The following CDH18 variants were observed in gnomAD, a reference collection of about 807,000 sequenced individuals.
The protein encoded by CDH18 is cadherin 18, also known as cadherin-18.
Under a neutral mutation model 67.9 loss-of-function variants are expected in CDH18, and 31 were observed. The observed-to-expected ratio is 0.46, with a 90% confidence interval of 0.34 to 0.62. The LOEUF is 0.62. CDH18 is among the 20% of genes least tolerant of loss of function. The pLI, the probability that CDH18 is intolerant of heterozygous loss-of-function variation, is 0.01. For synonymous variants in CDH18, 362 were observed against 347.2 expected (o/e 1.04, Z -0.48); for missense variants, 890 against 975.5 (o/e 0.91, Z 1.17).
chr5:20,331,262 C>A (rs1739147091), intron 1 of CDH18: 1 of 152,160 alleles, frequency 6.6e-6, no homozygotes, highest in African/African-American at 2.4e-5. Context: ...TTTTGCATAA[C>A]AATATGTAGT....
At position 20,469,679 on chromosome 5, in the gene CDH18, T is replaced by A. The variant is rs185026959; in HGVS notation, c.-580+105783A>T. Among the ~76,000 whole-genome samples, 776 of 152,166 alleles carry A rather than the reference T, an allele frequency of 5.1e-3. 6 individuals are homozygous for A. The highest frequency in any genetic ancestry group is 0.017 in the African/African-American group (702 of 41,508). On this transcript the variant is annotated intron_variant, in intron 1 of 14. Coordinates refer to the CDH18 transcript ENST00000507958. ...TCACTAAGCCTGGAAGTAGGCTGAG[T>A]TTTTTTGCTCCCTGGTCTTCATTGC...
At chr5:19,584,993 T>TC (rs1743932510) in intron 7 of CDH18, among the ~76,000 whole-genome samples, 1 of 86,570 alleles carries the variant, frequency 1.2e-5, no homozygotes, top group Admixed American at 1.3e-4. Flanking sequence ...AGACTCTATC[T>TC]CCAAAAAAAA....
chr5:19,836,241 T>C (rs570274083), intron 3 of CDH18, among the ~76,000 whole-genome samples: 10 of 152,234 alleles, frequency 6.6e-5, no homozygotes, highest in Non-Finnish European at 1.3e-4. Flanking sequence ...ATGGAAAGGA[T>C]ACAGAAAAAG....
chr5:19,954,974 T>A (rs1335565138), intron 2 of CDH18, among the ~76,000 whole-genome samples: 1 of 151,990 alleles, frequency 6.6e-6, no homozygotes, highest in Non-Finnish European at 1.5e-5. Flanking sequence ...ATTGTAATAA[T>A]CCCCCATGTG....
At chr5:19,560,059 A>G (rs1177154319) in intron 8 of CDH18, among the ~76,000 whole-genome samples, 4 of 152,150 alleles carry the variant, frequency 2.6e-5, no homozygotes, top group African/African-American at 9.6e-5. Context: ...AGATGGAGTC[A>G]ATCAATATTG....
chr5:20,216,498 T>A (rs1211383187), intron 2 of CDH18, among the ~76,000 whole-genome samples: 1 of 151,976 alleles, frequency 6.6e-6, no homozygotes, highest in East Asian at 1.9e-4. Flanking sequence ...AAGTCACTCT[T>A]TTAGAACTCA....
intron 1 of CDH18, among the ~76,000 whole-genome samples, chr5:20,307,620 C>T (rs960446558): frequency 7.9e-5 from 12 of 152,118 alleles, no homozygotes; most frequent in South Asian, 2.1e-4. Context: ...TGCCTACCAT[C>T]TGGAGGGTAA....
At chr5:20,287,740 T>C (rs888043958) in intron 1 of CDH18, among the ~76,000 whole-genome samples, 1 of 151,242 alleles carries the variant, frequency 6.6e-6, no homozygotes, top group Non-Finnish European at 1.5e-5. Context: ...TTGAATGATT[T>C]ATTTTTTAGC....
At chr5:20,247,122 T>C (rs140404976) in intron 2 of CDH18, among the ~76,000 whole-genome samples, 10 of 152,292 alleles carry the variant, frequency 6.6e-5, no homozygotes, top group Non-Finnish European at 1.2e-4. Context: ...AACATTTTGT[T>C]AATCCTATAA....
intron 1 of CDH18, among the ~76,000 whole-genome samples, chr5:20,270,155 GT>G (rs976724104): frequency 4.1e-5 from 6 of 147,398 alleles, no homozygotes; most frequent in South Asian, 2.1e-4. Flanking sequence ...AGATTTCTTT[GT>G]TTAAAAAAAA....
At chr5:20,385,445 C>A (rs1744236894) in intron 1 of CDH18, among the ~76,000 whole-genome samples, 1 of 152,096 alleles carries the variant, frequency 6.6e-6, no homozygotes, top group Non-Finnish European at 1.5e-5. Flanking sequence ...TCATAACAAG[C>A]AAAATGAGAA....
intron 3 of CDH18, among the ~76,000 whole-genome samples, chr5:19,837,301 T>C (rs1216063611): frequency 6.6e-6 from 1 of 152,022 alleles, no homozygotes; most frequent in Non-Finnish European, 1.5e-5. Flanking sequence ...GAGAAATATC[T>C]AATGTAGATG....
At chr5:20,116,276 G>A (rs558038141) in intron 2 of CDH18, among the ~76,000 whole-genome samples, 6 of 152,110 alleles carry the variant, frequency 3.9e-5, no homozygotes, top group South Asian at 2.1e-4. Context: ...TGGGAGGCCC[G>A]AGGCAGGTGG....
intron 2 of CDH18, among the ~76,000 whole-genome samples, chr5:20,211,538 C>T (rs1219833757): frequency 1.3e-5 from 2 of 152,108 alleles, no homozygotes; most frequent in Admixed American, 1.3e-4. Flanking sequence ...CCCTCTAAGA[C>T]GAAGCTTCTA....
At chr5:19,797,704 A>G (rs1777003742) in intron 3 of CDH18, among the ~76,000 whole-genome samples, 1 of 152,034 alleles carries the variant, frequency 6.6e-6, no homozygotes, top group Non-Finnish European at 1.5e-5. Flanking sequence ...ATAAATTAAG[A>G]TATTACATTT....
At chr5:20,170,190 C>T (rs966349373) in intron 2 of CDH18, among the ~76,000 whole-genome samples, 1 of 151,768 alleles carries the variant, frequency 6.6e-6, no homozygotes, top group Non-Finnish European at 1.5e-5. Context: ...ACCCCACCCC[C>T]CGACAGGCCC....
At chr5:20,037,207 T>C (rs566540908) in intron 2 of CDH18, among the ~76,000 whole-genome samples, 21 of 152,226 alleles carry the variant, frequency 1.4e-4, no homozygotes, top group Middle Eastern at 3.4e-3. Flanking sequence ...TTCTTCATAC[T>C]GTCGATGCTC....
At chr5:20,339,965 T>G (rs980490020) in intron 1 of CDH18, among the ~76,000 whole-genome samples, 3 of 152,140 alleles carry the variant, frequency 2.0e-5, no homozygotes, top group African/African-American at 7.2e-5. Flanking sequence ...ATTATCCAAT[T>G]GAGAGGGTAG....
chr5:20,203,739 T>A (rs1338643144), intron 2 of CDH18, among the ~76,000 whole-genome samples: 1 of 149,626 alleles, frequency 6.7e-6, no homozygotes, highest in Non-Finnish European at 1.5e-5. Flanking sequence ...ACAACAACAA[T>A]AGAGAACCAC....
Sources: gnomAD v4.1 joint callset for allele counts (sites outside exome capture counted in the v4.1 genomes callset) on GRCh38, gnomAD v4.1.1 for gene constraint, MANE v1.5 for transcripts, NCBI Gene and HGNC (gene_info 2026-07-23, HGNC 2026-07-21) for gene names.